CNTN5: variants seen among roughly 807,000 people sequenced by gnomAD.
The protein encoded by CNTN5 is contactin 5, also known as contactin-5.
Under a neutral mutation model 129.1 loss-of-function variants are expected in CNTN5, and 77 were observed. The observed-to-expected ratio is 0.60, with a 90% CI of 0.50 to 0.72. CNTN5 has a LOEUF of 0.72. Among genes scored for constraint, CNTN5 ranks in the 30% least tolerant of loss-of-function variants. CNTN5 has a pLI of 0.00. For missense variants in CNTN5, 1,478 were observed against 1,328.8 expected (o/e 1.11, Z -1.75); for synonymous variants, 509 against 465.6 (o/e 1.09, Z -1.20).
intron 4 of CNTN5, among the ~76,000 whole-genome samples, chr11:99,826,401 A>G (rs942490112): frequency 6.6e-6 from 1 of 152,142 alleles, no homozygotes; most frequent in South Asian, 2.1e-4. Flanking sequence ...ACACCTTTCA[A>G]TGTACTGTAG....
intron 14 of CNTN5, among the ~76,000 whole-genome samples, chr11:100,192,479 G>A (rs1349211064): frequency 6.6e-6 from 1 of 151,964 alleles, no homozygotes; most frequent in Admixed American, 6.6e-5. Context: ...GAACATTAAA[G>A]GATCTGATCA....
intron 1 of CNTN5, among the ~76,000 whole-genome samples, chr11:99,293,359 A>T (rs1216415649): frequency 6.6e-6 from 1 of 152,096 alleles, no homozygotes; most frequent in East Asian, 1.9e-4. Flanking sequence ...TTTTGCATCT[A>T]TCTTCGTCAG....
intron 3 of CNTN5, among the ~76,000 whole-genome samples, chr11:99,686,703 A>G (rs1833501708): frequency 6.6e-6 from 1 of 152,074 alleles, no homozygotes; most frequent in Admixed American, 6.6e-5. Flanking sequence ...TTAGGTGTCA[A>G]CAGACCTAAA....
intron 13 of CNTN5, among the ~76,000 whole-genome samples, chr11:100,078,477 C>T (rs1944235367): frequency 6.6e-6 from 1 of 151,990 alleles, no homozygotes; most frequent in South Asian, 2.1e-4. Flanking sequence ...TATGAACTCC[C>T]TTCAGATAGT....
rs144522021 is a variant in CNTN5, at chr11:99,553,547, G to C, written c.-70-2598G>C. Among the ~76,000 whole-genome samples the C allele has an allele frequency of 4.0e-3, 600 of 151,796 alleles. 25 individuals are homozygous for C. In the East Asian group the frequency reaches 0.098, roughly 25 times the overall value. ...CATTTACTTTTTATTTTACTCAGAA[G>C]AGTTATTTTACTTAGCTTAATGTCC... is the stretch of plus-strand genomic sequence containing the variant. On this transcript the variant is annotated intron_variant, in intron 2 of 24. Coordinates refer to ENST00000524871, the MANE Select transcript of CNTN5 (RefSeq NM_014361.4).
At position 99,956,932 on chromosome 11, in the gene CNTN5, A is replaced by G; in HGVS notation, c.800A>G (p.Tyr267Cys). 1.2e-6 allele frequency: 2 copies of G among 1,613,952 alleles called. No individual in the cohort carries two copies. Among genetic ancestry groups the G allele is most frequent in the Non-Finnish European group, 1.7e-6 (2 of 1,179,864 alleles). ...GTCCAAACATCAGATGTTGGCAGCT[A>G]TATTTGTCTGGTGAAAAACACAGTG... ...SKVQTSDVGS[Y>C]ICLVKNTVTN... The change falls in exon 8 of 25, where the codon TAT becomes TGT. Residue 267 changes from tyrosine (Y) to cysteine (C), a missense_variant. Physicochemically the swap from Tyr to Cys is radical, Grantham distance 194. Coordinates refer to ENST00000524871, the MANE Select transcript of CNTN5 (RefSeq NM_014361.4).
chr11:99,732,349 G>C (rs1452480506), intron 3 of CNTN5, among the ~76,000 whole-genome samples: 1 of 152,084 alleles, frequency 6.6e-6, no homozygotes, highest in African/African-American at 2.4e-5. Context: ...AAGTTTAGAA[G>C]GGAGAACATG....
chr11:99,993,703 C>A (rs956639981), intron 8 of CNTN5, among the ~76,000 whole-genome samples: 14 of 152,118 alleles, frequency 9.2e-5, no homozygotes, highest in African/African-American at 2.9e-4. Flanking sequence ...TGGTTCCTAA[C>A]AGGCCACAGA....
intron 1 of CNTN5, among the ~76,000 whole-genome samples, chr11:99,243,588 G>A (rs1861670142): frequency 6.6e-6 from 1 of 152,058 alleles, no homozygotes; most frequent in African/African-American, 2.4e-5. Context: ...GATATGTATA[G>A]TTTTAGGTCT....
chr11:100,038,714 A>G (rs1342618504), intron 9 of CNTN5, among the ~76,000 whole-genome samples: 4 of 151,976 alleles, frequency 2.6e-5, no homozygotes, highest in Non-Finnish European at 4.4e-5. Context: ...TCCCTTTACC[A>G]TTATGTAATG....
At chr11:100,184,902 G>A (rs1326953264) in intron 13 of CNTN5, among the ~76,000 whole-genome samples, 4 of 152,030 alleles carry the variant, frequency 2.6e-5, no homozygotes, top group African/African-American at 9.7e-5. Context: ...GACCCAGTGG[G>A]AGGTCATTGT....
At chr11:100,063,957 T>C (rs934888594) in intron 10 of CNTN5, among the ~76,000 whole-genome samples, 1 of 152,170 alleles carries the variant, frequency 6.6e-6, no homozygotes, top group African/African-American at 2.4e-5. Flanking sequence ...AAAACTGTCA[T>C]GTTAGACATG....
At chr11:99,653,367 C>A (rs541820847) in intron 3 of CNTN5, among the ~76,000 whole-genome samples, 1 of 152,068 alleles carries the variant, frequency 6.6e-6, no homozygotes, top group East Asian at 1.9e-4. Context: ...GGGGCAAAAC[C>A]TGTTTCACTT....
intron 3 of CNTN5, among the ~76,000 whole-genome samples, chr11:99,801,302 A>G (rs1374829777): frequency 6.6e-6 from 1 of 152,166 alleles, no homozygotes; most frequent in South Asian, 2.1e-4. Context: ...AGAAGTCTGC[A>G]GTTAATCTGA....
rs1944566148 is a variant in CNTN5 at position 100,086,553 on chromosome 11, T to C, written c.1580+12259T>C. ...AGAGGGATATATATATCCATATATA[T>C]GTATGTGTGTGTGTATATATATATG... is the stretch of plus-strand genomic sequence containing the variant. On this transcript the variant is annotated intron_variant, in intron 13 of 24. Coordinates refer to ENST00000524871, the MANE Select transcript of CNTN5 (RefSeq NM_014361.4). Among the ~76,000 whole-genome samples, 3 of 151,020 alleles carry C rather than the reference T, an allele frequency of 2.0e-5. No individual in the cohort carries two copies. The South Asian group carries it at 6.2e-4, about 31-fold the overall frequency.
intron 3 of CNTN5, among the ~76,000 whole-genome samples, chr11:99,713,918 AGAG>A (rs1441412264): frequency 1.3e-5 from 2 of 151,990 alleles, no homozygotes; most frequent in Non-Finnish European, 2.9e-5. Flanking sequence ...GTGTTTGATA[AGAG>A]TCAGATATTC....
At chr11:99,075,107 G>A (rs1865509507) in intron 1 of CNTN5, among the ~76,000 whole-genome samples, 1 of 152,150 alleles carries the variant, frequency 6.6e-6, no homozygotes, top group Admixed American at 6.6e-5. Context: ...ATTATTCACT[G>A]TTTTTACAAA....
At chr11:99,341,083 C>A (rs1047354696) in intron 2 of CNTN5, among the ~76,000 whole-genome samples, 2 of 152,010 alleles carry the variant, frequency 1.3e-5, no homozygotes, top group Non-Finnish European at 2.9e-5. Context: ...CATCTCATAC[C>A]TTTTGTAAAT....
At chr11:99,477,136 T>C (rs1257454489) in intron 2 of CNTN5, among the ~76,000 whole-genome samples, 1 of 151,978 alleles carries the variant, frequency 6.6e-6, no homozygotes, top group African/African-American at 2.4e-5. Context: ...GTTAATATCC[T>C]TAAATGAATA....
Sources: gnomAD v4.1 joint callset for allele counts (sites outside exome capture counted in the v4.1 genomes callset) on GRCh38, gnomAD v4.1.1 for gene constraint, MANE v1.5 for transcripts, NCBI Gene and HGNC (gene_info 2026-07-23, HGNC 2026-07-21) for gene names.